Variants in DENND4A observed in about 807,000 individuals in gnomAD.
DENND4A encodes the protein DENN domain containing 4A.
A neutral mutation model predicts 199.3 loss-of-function variants in DENND4A; 70 were observed. That is an observed-to-expected ratio of 0.35 (90% CI 0.29 to 0.43). The LOEUF (loss-of-function observed/expected upper bound fraction) is 0.43, where lower values mean the gene tolerates loss of function less well. Among genes scored for constraint, DENND4A ranks in the 20% least tolerant of loss-of-function variants. The pLI, the probability that DENND4A is intolerant of heterozygous loss-of-function variation, is 1.00. For missense variants in DENND4A, 1,723 were observed against 2,255.8 expected (o/e 0.76, Z 4.78); for synonymous variants, 686 against 766.9 (o/e 0.89, Z 1.74).
chr15:65,762,670 C>T (rs1277486412), intron 1 of DENND4A, among the ~76,000 whole-genome samples: 1 of 152,050 alleles, frequency 6.6e-6, no homozygotes, highest in African/African-American at 2.4e-5. Flanking sequence ...AAATGTAATA[C>T]AAATTTAACA....
intron 23 of DENND4A, among the ~76,000 whole-genome samples, chr15:65,683,988 T>C (rs978839256): frequency 2.0e-5 from 3 of 152,252 alleles, no homozygotes; most frequent in Non-Finnish European, 2.9e-5. Flanking sequence ...ATTTGGTCTT[T>C]TAAAATCTGG....
At chr15:65,718,390 A>G (rs990877626) in intron 12 of DENND4A, among the ~76,000 whole-genome samples, 20 of 152,170 alleles carry the variant, frequency 1.3e-4, no homozygotes, top group African/African-American at 4.3e-4. Context: ...ATAACTATAT[A>G]TAAGTTAATA....
chr15:65,760,903 A>T (rs536030460), intron 2 of DENND4A, among the ~76,000 whole-genome samples: 2 of 152,298 alleles, frequency 1.3e-5, no homozygotes, highest in East Asian at 1.9e-4. Flanking sequence ...AAAAAAGCGG[A>T]AACAGAAGAG....
At chr15:65,689,019 C>G (rs2076885432) in intron 23 of DENND4A, among the ~76,000 whole-genome samples, 1 of 152,136 alleles carries the variant, frequency 6.6e-6, no homozygotes. Context: ...CAGTTATTTT[C>G]TTTCAGCACT....
Position 65,706,156 on chromosome 15 carries a change from A to G in DENND4A, c.2022T>C (p.Thr674=), listed in dbSNP as rs2075042500. Residue 674 remains threonine (T), a synonymous_variant, in exon 15 of 33, where the codon ACT becomes ACC. Transcript: ENST00000443035. ...ELDESFKSEH[T]VFVTPPEIPH... is the part of the protein sequence containing the mutation. ...GGATCTCAGGTGGTGTTACAAAAAC[A>G]GTGTGTTCACTTTTGAAAGATTCAT... 4 of 1,608,476 alleles carry G rather than the reference A, an allele frequency of 2.5e-6. 1 individual carries two copies. In the Admixed American group the frequency reaches 5.1e-5, roughly 20 times the overall value.
chr15:65,697,061 G>A lies in DENND4A; in HGVS notation c.2950+206C>T, dbSNP rs554738932. ...TTCATTCTAATGGTATTTGATTTGGGAAGTGTTTTGCCACTGAGGCTATAT... is the reference window on the plus strand; with the variant it reads ...TTCATTCTAATGGTATTTGATTTGGAAAGTGTTTTGCCACTGAGGCTATAT... On this transcript the variant is annotated intron_variant, in intron 21 of 32. Transcript: ENST00000443035. The A allele has an allele frequency of 1.4e-4, 64 of 453,930 alleles. No individual in the cohort carries two copies. In the Middle Eastern group the frequency reaches 4.1e-3, roughly 29 times the overall value. 28.1% of individuals were successfully genotyped at this position (453,930 alleles called of 1,614,324 possible).
intron 14 of DENND4A, among the ~76,000 whole-genome samples, chr15:65,709,577 C>G (rs913390554): frequency 1.3e-5 from 2 of 150,506 alleles, no homozygotes; most frequent in African/African-American, 4.9e-5. Flanking sequence ...GCCTGTAATC[C>G]CAGCTACTCG....
chr15:65,777,217 A>G lies in DENND4A; in HGVS notation c.-102+14793T>C, dbSNP rs925804869. On this transcript the variant is annotated intron_variant, in intron 1 of 32. Coordinates refer to ENST00000443035, the MANE Select transcript of DENND4A (RefSeq NM_001320835.1). ...ATAGCTGCCTGGGTTATAAATTTCC[A>G]GTTCCTGGTTTCCCTTCCCCTTCAT... is the stretch of plus-strand genomic sequence containing the variant. 4.6e-5 allele frequency among the ~76,000 whole-genome samples: 7 copies of G among 152,146 alleles called. No homozygotes were observed. The East Asian group carries it at 1.3e-3, about 29-fold the overall frequency.
intron 11 of DENND4A, among the ~76,000 whole-genome samples, chr15:65,725,501 C>A (rs750867577): frequency 6.6e-6 from 1 of 151,932 alleles, no homozygotes; most frequent in Non-Finnish European, 1.5e-5. Context: ...GCGGTGAAAC[C>A]CCGTCTCTAC....
In DENND4A at chr15:65,700,525, T is replaced by C. The variant is rs1418226839; in HGVS notation, c.2833+19A>G. ...TTAAAAATGTACTATAATAAATGTA[T>C]ACATAAGCATACACAAACCTGTACT... On this transcript the variant is annotated intron_variant, in intron 20 of 32. Coordinates refer to ENST00000443035, the MANE Select transcript of DENND4A (RefSeq NM_001320835.1). 9 of 1,393,600 alleles carry C rather than the reference T, an allele frequency of 6.5e-6. No homozygotes were observed. Among genetic ancestry groups the C allele is most frequent in the Non-Finnish European group, 8.5e-6 (9 of 1,063,634 alleles). The allele number at this position is 1,393,600 out of a possible 1,614,324, so 86.3% of individuals were successfully genotyped here. A position where few individuals can be genotyped will look rare whatever the true frequency, so the allele number is the denominator to read the frequency against.
intron 29 of DENND4A, 40 bp from the exon 30 acceptor site, chr15:65,665,502 G>T (rs780144803): frequency 1.7e-5 from 25 of 1,445,394 alleles, no homozygotes; most frequent in Non-Finnish European, 2.4e-5. Flanking sequence ...ATCCTTACAT[G>T]ATAATTTTTC....
chr15:65,685,350 T>A (rs2076736543), intron 23 of DENND4A, among the ~76,000 whole-genome samples: 1 of 152,164 alleles, frequency 6.6e-6, no homozygotes, highest in Admixed American at 6.5e-5. Context: ...ATGGTCTAGA[T>A]CTCCTGACCT....
chr15:65,686,452 TA>T (rs572421653), intron 23 of DENND4A, among the ~76,000 whole-genome samples: 69 of 152,256 alleles, frequency 4.5e-4, no homozygotes, highest in Non-Finnish European at 8.5e-4. Flanking sequence ...TTAAATTTCC[TA>T]CTCAGATTTA....
intron 1 of DENND4A, among the ~76,000 whole-genome samples, chr15:65,773,002 C>A (rs372418815): frequency 1.9e-4 from 19 of 102,158 alleles, no homozygotes; most frequent in Admixed American, 3.7e-4. Flanking sequence ...TGTTTCTAAG[C>A]AAAAAAAAAA....
At chr15:65,783,856 CAGA>C (rs1312473712) in intron 1 of DENND4A, among the ~76,000 whole-genome samples, 3 of 152,024 alleles carry the variant, frequency 2.0e-5, no homozygotes, top group African/African-American at 7.2e-5. Context: ...CTATCCATAG[CAGA>C]AGAATTCCAA....
In DENND4A at chr15:65,669,939, C is replaced by T. The variant is rs758233842; in HGVS notation, c.4641-14G>A. 3.7e-6 allele frequency: 6 copies of T among 1,610,422 alleles called. No homozygotes were observed. The highest frequency in any genetic ancestry group is 2.2e-5 in the South Asian group (2 of 90,718). On this transcript the variant is annotated splice_polypyrimidine_tract_variant and intron_variant, in intron 26 of 32. Coordinates refer to ENST00000443035, the MANE Select transcript of DENND4A (RefSeq NM_001320835.1). ...TTTAGAAAGTATCTGTAATGTGAAT[C>T]GAAGGAACTTTTTGAGAAAAGAGAT...
rs781690808 is a variant in DENND4A at position 65,717,995 on chromosome 15, C to T, written c.1590G>A (p.Leu530=). The change falls in exon 13 of 33, where the codon TTG becomes TTA. Residue 530 remains leucine (L), a splice_region_variant and synonymous_variant. Transcript: ENST00000443035. ...LNNLHQQLAK[L]QQRPRDDGLM... ...GTCCATCATCTCTCGGTCTCTGCTG[C>T]ACTGTGAAGACATACAGTGTTAGTG... 2.0e-5 allele frequency: 32 copies of T among 1,591,316 alleles called. No homozygotes were observed. In the Admixed American group the frequency reaches 5.1e-4, roughly 25 times the overall value.
In DENND4A at chr15:65,738,667, C is replaced by G. The variant is rs745880908; in HGVS notation, c.801+39G>C. 3.2e-6 allele frequency: 5 copies of G among 1,554,272 alleles called. No homozygotes were observed. The South Asian group carries it at 4.9e-5, about 15-fold the overall frequency. ...GCATTATAGAAAACTTGAAAATGTA[C>G]AAGAAATTTGTAGATACAATTTGTC... is the stretch of plus-strand genomic sequence containing the variant. On this transcript the variant is annotated intron_variant, in intron 6 of 32. Transcript: ENST00000443035.
At chr15:65,782,250 A>C (rs1184292909) in intron 1 of DENND4A, among the ~76,000 whole-genome samples, 2 of 152,154 alleles carry the variant, frequency 1.3e-5, no homozygotes, top group East Asian at 3.8e-4. Flanking sequence ...CAAACATCCC[A>C]GGACCCTTTG....
Sources: allele counts gnomAD v4.1 joint callset (sites outside exome capture counted in the v4.1 genomes callset), GRCh38; gene constraint gnomAD v4.1.1; transcripts MANE v1.5; gene names NCBI Gene and HGNC (gene_info 2026-07-23, HGNC 2026-07-21).